Variants in SLC44A5 observed in about 807,000 individuals in gnomAD.
SLC44A5 encodes solute carrier family 44 member 5, also known as choline transporter-like protein 5.
SLC44A5 carries 57 observed loss-of-function variants against 101.8 expected under a neutral mutation model. That is an observed-to-expected ratio of 0.56 (90% CI 0.45 to 0.70). SLC44A5 has a LOEUF of 0.70. SLC44A5 is among the 30% of genes least tolerant of loss of function. SLC44A5 has a pLI of 0.00. For synonymous variants in SLC44A5, 281 were observed against 290.9 expected, an observed-to-expected ratio of 0.97 and a Z score of 0.35; for missense variants, 737 against 853.1, an observed-to-expected ratio of 0.86 and a Z score of 1.70.
intron 6 of SLC44A5, among the ~76,000 whole-genome samples, chr1:75,254,381 C>T (rs1018649850): frequency 3.3e-5 from 5 of 152,054 alleles, no homozygotes; most frequent in Non-Finnish European, 5.9e-5. Flanking sequence ...GTGGTGGTTG[C>T]AGCTGAGCAA....
chr1:75,274,810 T>C (rs1651783502), intron 6 of SLC44A5, 148 bp downstream of exon 6: 1 of 634,450 alleles, frequency 1.6e-6, no homozygotes, highest in Non-Finnish European at 2.8e-6. Context: ...TCCCAACTGC[T>C]TATAGCTATC....
At chr1:75,547,143 C>T (rs211767) in intron 1 of SLC44A5, among the ~76,000 whole-genome samples, 144,780 of 152,262 alleles carry the variant, frequency 0.95, 68,871 homozygotes, top group East Asian at 0.98. Flanking sequence ...GATAAGACCA[C>T]ACTGAAGATG....
intron 1 of SLC44A5, among the ~76,000 whole-genome samples, chr1:75,573,010 C>T (rs1449606729): frequency 6.6e-6 from 1 of 150,708 alleles, no homozygotes; most frequent in East Asian, 2.0e-4. Flanking sequence ...GTAGTTCCAA[C>T]TACTAGGGAG....
intron 2 of SLC44A5, among the ~76,000 whole-genome samples, chr1:75,436,678 G>A (rs1237019057): frequency 1.3e-5 from 2 of 151,958 alleles, no homozygotes; most frequent in African/African-American, 2.4e-5. Context: ...TTTCTTCAAC[G>A]ATAATTAACC....
intron 2 of SLC44A5, among the ~76,000 whole-genome samples, chr1:75,474,435 G>T (rs530900446): frequency 6.6e-6 from 1 of 152,056 alleles, no homozygotes; most frequent in Non-Finnish European, 1.5e-5. Context: ...TAATACTAAT[G>T]CTTTCAAATT....
intron 2 of SLC44A5, among the ~76,000 whole-genome samples, chr1:75,401,062 C>T (rs895342200): frequency 6.6e-6 from 1 of 152,294 alleles, no homozygotes. Flanking sequence ...TCATTCTACT[C>T]ACTGGCTTTT....
chr1:75,565,819 G>T (rs911945666), intron 1 of SLC44A5, among the ~76,000 whole-genome samples: 9 of 152,142 alleles, frequency 5.9e-5, no homozygotes, highest in African/African-American at 9.7e-5. Flanking sequence ...ACACTGAAAA[G>T]CTACCAAATA....
At chr1:75,721,400 TC>T in the SLC44A5 span, among the ~76,000 whole-genome samples, 1 of 152,230 alleles carries the variant, frequency 6.6e-6, no homozygotes, top group Non-Finnish European at 1.5e-5. Context: ...TATGAAATTT[TC>T]TTGCGTTTTT....
intron 1 of SLC44A5, among the ~76,000 whole-genome samples, chr1:75,590,055 TA>T (rs1293217528): frequency 1.3e-5 from 2 of 151,914 alleles, no homozygotes; most frequent in African/African-American, 4.8e-5. Context: ...GACAGTGGAT[TA>T]GGGGGGCACA....
intron 2 of SLC44A5, among the ~76,000 whole-genome samples, chr1:75,418,690 G>A (rs1266287373): frequency 6.6e-6 from 1 of 152,130 alleles, no homozygotes; most frequent in Non-Finnish European, 1.5e-5. Context: ...ATCATGCAGG[G>A]CCTCTGTGCC....
At chr1:75,714,252 A>C in the SLC44A5 span, among the ~76,000 whole-genome samples, 1 of 152,354 alleles carries the variant, frequency 6.6e-6, no homozygotes, top group Non-Finnish European at 1.5e-5. Context: ...AATGTGATTC[A>C]TCACACAAAC....
chr1:75,633,793 T>C, the SLC44A5 span, among the ~76,000 whole-genome samples: 1 of 152,128 alleles, frequency 6.6e-6, no homozygotes, highest in Non-Finnish European at 1.5e-5. Flanking sequence ...ATCCCTGTCT[T>C]GTGCCAGTTT....
chr1:75,418,355 A>T (rs1000662308), intron 2 of SLC44A5, among the ~76,000 whole-genome samples: 3 of 152,268 alleles, frequency 2.0e-5, no homozygotes, highest in Non-Finnish European at 2.9e-5. Flanking sequence ...AAATAAGCTT[A>T]CAAAGAAAAC....
the SLC44A5 span, among the ~76,000 whole-genome samples, chr1:75,635,813 T>TA: frequency 0.37 from 55,831 of 149,340 alleles, 10,884 homozygotes; most frequent in East Asian, 0.67. Flanking sequence ...ATAATAATAA[T>TA]AAAAAAAAAA....
At chr1:75,410,655 G>A (rs918095508) in intron 2 of SLC44A5, among the ~76,000 whole-genome samples, 2 of 152,096 alleles carry the variant, frequency 1.3e-5, no homozygotes, top group Non-Finnish European at 2.9e-5. Context: ...AAATTGGGTG[G>A]AAGATAGAAT....
the SLC44A5 span, among the ~76,000 whole-genome samples, chr1:75,702,457 T>C: frequency 2.6e-5 from 4 of 152,098 alleles, no homozygotes; most frequent in Non-Finnish European, 5.9e-5. Flanking sequence ...GCTAGCCATA[T>C]GTAGAAAGCT....
intron 13 of SLC44A5, among the ~76,000 whole-genome samples, chr1:75,224,915 T>TA (rs1001902228): frequency 5.9e-5 from 9 of 152,074 alleles, no homozygotes; most frequent in Admixed American, 1.3e-4. Context: ...GTCAAAAAGT[T>TA]AAAAAAATTA....
the SLC44A5 span, among the ~76,000 whole-genome samples, chr1:75,620,253 T>C: frequency 6.6e-6 from 1 of 152,208 alleles, no homozygotes; most frequent in East Asian, 1.9e-4. Context: ...TTGGGTTGGT[T>C]CCAAGTCTTT....
chr1:75,544,903 T>C (rs956235252), intron 1 of SLC44A5, among the ~76,000 whole-genome samples: 1 of 152,148 alleles, frequency 6.6e-6, no homozygotes, highest in Non-Finnish European at 1.5e-5. Flanking sequence ...CTGGGGTACA[T>C]GTGCAGTTTT....
Sources: allele counts gnomAD v4.1 joint callset (sites outside exome capture counted in the v4.1 genomes callset), GRCh38; gene constraint gnomAD v4.1.1; transcripts MANE v1.5; gene names NCBI Gene and HGNC (gene_info 2026-07-23, HGNC 2026-07-21).